Variants in MLLT3 observed in about 807,000 individuals in gnomAD.
MLLT3 encodes protein AF-9.
A neutral mutation model predicts 53.2 loss-of-function variants in MLLT3; 4 were observed. That is an observed-to-expected ratio of 0.08 (90% CI 0.04 to 0.17). MLLT3 has a LOEUF of 0.17. Ranked by LOEUF, MLLT3 falls within the 10% of genes least tolerant of loss-of-function variation. The probability of loss-of-function intolerance (pLI) is 1.00; values close to 1 mark genes in which losing one functional copy is unlikely to be tolerated. For missense variants in MLLT3, 569 were observed against 684.0 expected, an observed-to-expected ratio of 0.83 and a Z score of 1.87; for synonymous variants, 283 against 230.6, an observed-to-expected ratio of 1.23 and a Z score of -2.06.
intron 10 of MLLT3, among the ~76,000 whole-genome samples, chr9:20,349,338 C>G (rs1820952869): frequency 6.6e-6 from 1 of 152,192 alleles, no homozygotes; most frequent in Admixed American, 6.5e-5. Context: ...AAATTGCTAC[C>G]TAAGTCAGGA....
intron 2 of MLLT3, among the ~76,000 whole-genome samples, chr9:20,540,716 G>C (rs1429620685): frequency 1.3e-5 from 2 of 152,220 alleles, no homozygotes; most frequent in South Asian, 4.1e-4. Context: ...CTACTGTGAA[G>C]GTCTCTGATA....
At chr9:20,609,768 ATCT>A (rs1178165695) in intron 2 of MLLT3, among the ~76,000 whole-genome samples, 1 of 152,124 alleles carries the variant, frequency 6.6e-6, no homozygotes, top group African/African-American at 2.4e-5. Flanking sequence ...TACTCATGTT[ATCT>A]TCTACTTCCC....
At chr9:20,428,393 A>C (rs1823187660) in intron 4 of MLLT3, among the ~76,000 whole-genome samples, 1 of 152,136 alleles carries the variant, frequency 6.6e-6, no homozygotes, top group African/African-American at 2.4e-5. Flanking sequence ...ATTATGCTAA[A>C]ATTTAAAAAC....
At chr9:20,510,668 T>C in intron 2 of MLLT3, among the ~76,000 whole-genome samples, 1 of 151,496 alleles carries the variant, frequency 6.6e-6, no homozygotes, top group East Asian at 1.9e-4. Flanking sequence ...ATTGTTAATA[T>C]TCAGAGTTGG....
rs374924517 is a variant in MLLT3, at chr9:20,463,962, T to C, written c.194-7176A>G. On this transcript the variant is annotated intron_variant, in intron 2 of 10. Transcript: ENST00000380338. ...AGTGTGTACTACTACATCATAAAAG[T>C]TGGTCATCTGAAACCCCAGTTCTTC... Among the ~76,000 whole-genome samples, 111 of 152,114 alleles carry C rather than the reference T, an allele frequency of 7.3e-4. No individual in the cohort carries two copies. In the South Asian group the frequency reaches 0.014, roughly 20 times the overall value.
At position 20,620,359 on chromosome 9, in the gene MLLT3, C is replaced by G. The variant is rs901125532; in HGVS notation, c.193+295G>C. 6.6e-6 allele frequency among the ~76,000 whole-genome samples: 1 copy of G among 151,850 alleles called. No individual in the cohort carries two copies. Among genetic ancestry groups the G allele is most frequent in the Non-Finnish European group, 1.5e-5 (1 of 67,938 alleles). On this transcript the variant is annotated intron_variant, in intron 2 of 10. Transcript: ENST00000380338. The surrounding 1 kb of genome is among the most constrained non-coding windows in gnomAD (Gnocchi z 6.1). The stretch of plus-strand genomic sequence containing the variant: ...CTCCAAACTCAACAACTAATTGCAC[C>G]TTCCCCACAGAACCCGCGGCTAACC...
intron 2 of MLLT3, among the ~76,000 whole-genome samples, chr9:20,473,985 C>G (rs1205033482): frequency 6.6e-6 from 1 of 152,070 alleles, no homozygotes; most frequent in Admixed American, 6.6e-5. Context: ...TATCAAATGC[C>G]TACAGACTTG....
At chr9:20,412,357 A>T (rs1822749998) in intron 5 of MLLT3, among the ~76,000 whole-genome samples, 1 of 152,244 alleles carries the variant, frequency 6.6e-6, no homozygotes, top group Non-Finnish European at 1.5e-5. Context: ...ATAAATTATG[A>T]CTATAAAGCC....
intron 2 of MLLT3, among the ~76,000 whole-genome samples, chr9:20,511,847 G>T (rs1469178240): frequency 2.0e-5 from 3 of 152,090 alleles, no homozygotes; most frequent in Non-Finnish European, 4.4e-5. Flanking sequence ...TGCTCATACT[G>T]AAGGCAGAGA....
At chr9:20,538,436 C>G (rs1318603756) in intron 2 of MLLT3, among the ~76,000 whole-genome samples, 1 of 152,172 alleles carries the variant, frequency 6.6e-6, no homozygotes, top group African/African-American at 2.4e-5. Flanking sequence ...TAGAGCATGC[C>G]ATATTAAACA....
At chr9:20,352,387 T>C (rs1410403181) in intron 10 of MLLT3, among the ~76,000 whole-genome samples, 2 of 152,080 alleles carry the variant, frequency 1.3e-5, no homozygotes, top group African/African-American at 4.8e-5. Context: ...CCCCAAATAT[T>C]TGGAAAATGA....
At chr9:20,397,553 C>T (rs950177830) in intron 5 of MLLT3, among the ~76,000 whole-genome samples, 3 of 152,022 alleles carry the variant, frequency 2.0e-5, no homozygotes, top group Non-Finnish European at 4.4e-5. Context: ...CTCTGCAGGA[C>T]CCATCAGCAT....
At chr9:20,606,815 G>T (rs898540010) in intron 2 of MLLT3, among the ~76,000 whole-genome samples, 4 of 152,012 alleles carry the variant, frequency 2.6e-5, no homozygotes, top group Non-Finnish European at 5.9e-5. Flanking sequence ...AAAGCCCCAC[G>T]TTTGCTGGCC....
At chr9:20,407,804 G>T (rs1297624457) in intron 5 of MLLT3, among the ~76,000 whole-genome samples, 1 of 152,022 alleles carries the variant, frequency 6.6e-6, no homozygotes, top group East Asian at 1.9e-4. Flanking sequence ...CTGTCTCGAG[G>T]GGTGAATGAG....
chr9:20,591,939 C>T (rs895675532), intron 2 of MLLT3, among the ~76,000 whole-genome samples: 10 of 152,024 alleles, frequency 6.6e-5, no homozygotes, highest in Non-Finnish European at 1.5e-4. Context: ...GTGGGAAGAT[C>T]GCTTGAGCCC....
At chr9:20,466,383 C>G (rs758044147) in intron 2 of MLLT3, among the ~76,000 whole-genome samples, 12 of 152,084 alleles carry the variant, frequency 7.9e-5, no homozygotes, top group Non-Finnish European at 1.8e-4. Flanking sequence ...TGAAAAAAAG[C>G]CATGGCTAAA....
chr9:20,545,561 G>T (rs1290193671), intron 2 of MLLT3, among the ~76,000 whole-genome samples: 1 of 152,100 alleles, frequency 6.6e-6, no homozygotes, highest in African/African-American at 2.4e-5. Flanking sequence ...TTTATGTTAT[G>T]TGTAAAAGTT....
intron 2 of MLLT3, among the ~76,000 whole-genome samples, chr9:20,522,621 T>C (rs916077706): frequency 6.6e-6 from 1 of 152,140 alleles, no homozygotes; most frequent in Non-Finnish European, 1.5e-5. Flanking sequence ...TACAGAAATC[T>C]GTAGTGTAGT....
intron 8 of MLLT3, among the ~76,000 whole-genome samples, chr9:20,359,362 G>GT (rs947381028): frequency 2.4e-4 from 36 of 152,252 alleles, no homozygotes; most frequent in African/African-American, 8.7e-4. Flanking sequence ...CACACCAGAG[G>GT]TAAAAGACGG....
Sources: allele counts gnomAD v4.1 joint callset (sites outside exome capture counted in the v4.1 genomes callset), GRCh38; gene constraint gnomAD v4.1.1; non-coding constraint Gnocchi (gnomAD v3.1); transcripts MANE v1.5; gene names NCBI Gene and HGNC (gene_info 2026-07-23, HGNC 2026-07-21).